Variants in FBXO4 observed in about 807,000 individuals in gnomAD.
FBXO4 encodes F-box protein 4.
In FBXO4, 36 loss-of-function variants were observed where a neutral mutation model predicts 43.7. The ratio of observed to expected loss-of-function variants is 0.82; its 90% CI spans 0.63 to 1.09. The LOEUF (loss-of-function observed/expected upper bound fraction) is 1.09. FBXO4 is among the 50% of genes least tolerant of loss of function. The pLI is 0.00. For missense variants in FBXO4, 435 were observed against 474.1 expected (o/e 0.92, Z 0.77); for synonymous variants, 180 against 165.6 (o/e 1.09, Z -0.67).
the FBXO4 span, among the ~76,000 whole-genome samples, chr5:41,984,672 C>A: frequency 0.02 from 3,053 of 152,164 alleles, 92 homozygotes; most frequent in African/African-American, 0.068. Flanking sequence ...AGATAAGCCC[C>A]GCAAATTTTT....
At chr5:41,942,321 G>C (rs1406108246), downstream of FBXO4, among the ~76,000 whole-genome samples, 2 of 151,714 alleles carry the variant, frequency 1.3e-5, no homozygotes, top group Non-Finnish European at 2.9e-5. Context: ...ACTATGGTGA[G>C]GCATTATTAA....
At chr5:41,956,119 T>C in the FBXO4 span, among the ~76,000 whole-genome samples, 2 of 152,222 alleles carry the variant, frequency 1.3e-5, no homozygotes, top group African/African-American at 4.8e-5. Context: ...TTATAATCTA[T>C]AAGCAGGAGA....
At chr5:42,017,843 G>A in the FBXO4 span, among the ~76,000 whole-genome samples, 33 of 150,864 alleles carry the variant, frequency 2.2e-4, no homozygotes, top group East Asian at 3.1e-3. Flanking sequence ...CTAATCTACC[G>A]TCTCTGGGCA....
At chr5:41,978,983 T>TC in the FBXO4 span, among the ~76,000 whole-genome samples, 1 of 152,238 alleles carries the variant, frequency 6.6e-6, no homozygotes, top group Non-Finnish European at 1.5e-5. Flanking sequence ...AATTTTTGTT[T>TC]TTTTTTGTAA....
At chr5:42,021,820 G>C in the FBXO4 span, among the ~76,000 whole-genome samples, 2 of 152,048 alleles carry the variant, frequency 1.3e-5, no homozygotes, top group African/African-American at 4.8e-5. Flanking sequence ...TTTTTAAAGA[G>C]ACAGAATGTT....
At chr5:41,981,420 A>C in the FBXO4 span, among the ~76,000 whole-genome samples, 3 of 151,632 alleles carry the variant, frequency 2.0e-5, no homozygotes, top group African/African-American at 7.2e-5. Flanking sequence ...AAAACCTTCC[A>C]ACAGTCCAAA....
intron 1 of FBXO4, among the ~76,000 whole-genome samples, chr5:41,926,680 T>A (rs1751513722): frequency 6.6e-6 from 1 of 152,224 alleles, no homozygotes; most frequent in South Asian, 2.1e-4. Flanking sequence ...CTTAACTAAT[T>A]TATGTAACTA....
intron 3 of FBXO4, among the ~76,000 whole-genome samples, chr5:41,930,316 A>G (rs952976334): frequency 6.6e-6 from 1 of 152,170 alleles, no homozygotes; most frequent in African/African-American, 2.4e-5. Context: ...AAAAAAATGC[A>G]TAAATATTTG....
chr5:41,994,773 ATTG>A, the FBXO4 span, among the ~76,000 whole-genome samples: 9 of 152,102 alleles, frequency 5.9e-5, no homozygotes, highest in Admixed American at 1.3e-4. Context: ...GTTCAGAATC[ATTG>A]TTGTGTTTCC....
chr5:42,038,057 T>C, the FBXO4 span, among the ~76,000 whole-genome samples: 4 of 152,198 alleles, frequency 2.6e-5, no homozygotes, highest in Admixed American at 1.3e-4. Flanking sequence ...AATGAGGTGG[T>C]ATCTCCTTGA....
chr5:41,957,018 T>C, the FBXO4 span, among the ~76,000 whole-genome samples: 1 of 152,124 alleles, frequency 6.6e-6, no homozygotes, highest in Admixed American at 6.6e-5. Flanking sequence ...GGCCTTTTTT[T>C]CTTTGATTTC....
chr5:41,980,222 T>C, the FBXO4 span, among the ~76,000 whole-genome samples: 3 of 152,184 alleles, frequency 2.0e-5, no homozygotes, highest in Non-Finnish European at 4.4e-5. Flanking sequence ...ATCAAGACTT[T>C]TGACTGAGAA....
At chr5:41,987,452 C>G in the FBXO4 span, among the ~76,000 whole-genome samples, 1 of 152,084 alleles carries the variant, frequency 6.6e-6, no homozygotes, top group Admixed American at 6.6e-5. Context: ...TCTCAAATTT[C>G]TAAGTTCAGT....
the FBXO4 span, among the ~76,000 whole-genome samples, chr5:42,002,227 C>G: frequency 6.6e-6 from 1 of 152,078 alleles, no homozygotes; most frequent in Non-Finnish European, 1.5e-5. Flanking sequence ...TATGGTTACT[C>G]AAAGTATTAA....
chr5:41,960,134 T>C, the FBXO4 span, among the ~76,000 whole-genome samples: 2 of 152,092 alleles, frequency 1.3e-5, no homozygotes, highest in Non-Finnish European at 2.9e-5. Flanking sequence ...ATTAATGGAA[T>C]TGTTTTCTTG....
At chr5:41,992,103 T>C in the FBXO4 span, among the ~76,000 whole-genome samples, 1 of 152,140 alleles carries the variant, frequency 6.6e-6, no homozygotes. Flanking sequence ...ATATATACCT[T>C]CATCTTCTAT....
At chr5:41,999,510 T>C in the FBXO4 span, among the ~76,000 whole-genome samples, 2 of 80,564 alleles carry the variant, frequency 2.5e-5, no homozygotes, top group African/African-American at 9.9e-5. Flanking sequence ...TATATGTGTA[T>C]ATATATATAT....
intron 3 of FBXO4, among the ~76,000 whole-genome samples, chr5:41,930,391 T>C (rs1751649218): frequency 6.6e-6 from 1 of 152,234 alleles, no homozygotes. Flanking sequence ...ACTTATTTAT[T>C]GAGAGCCAGC....
the FBXO4 span, among the ~76,000 whole-genome samples, chr5:41,973,229 CA>C: frequency 6.6e-6 from 1 of 151,986 alleles, no homozygotes; most frequent in African/African-American, 2.4e-5. Context: ...AAGCAAAAAC[CA>C]AACCAAACTC....
Sources: allele counts gnomAD v4.1 joint callset (sites outside exome capture counted in the v4.1 genomes callset), GRCh38; gene constraint gnomAD v4.1.1; transcripts MANE v1.5; gene names NCBI Gene and HGNC (gene_info 2026-07-23, HGNC 2026-07-21).